SHTN1: variants seen among roughly 807,000 people sequenced by gnomAD.
SHTN1 encodes shootin-1.
A neutral mutation model predicts 83.1 loss-of-function variants in SHTN1; 42 were observed. The observed-to-expected ratio is 0.51, with a 90% CI of 0.39 to 0.65. The LOEUF (loss-of-function observed/expected upper bound fraction) is 0.65, where lower values mean the gene tolerates loss of function less well. SHTN1 is among the 30% of genes least tolerant of loss of function. SHTN1 has a pLI of 0.00. For missense variants in SHTN1, 622 were observed against 737.8 expected, an observed-to-expected ratio of 0.84 and a Z score of 1.82; for synonymous variants, 224 against 247.7, an observed-to-expected ratio of 0.90 and a Z score of 0.90.
chr10:116,913,646 G>A (rs1848284493), intron 13 of SHTN1, among the ~76,000 whole-genome samples: 1 of 152,144 alleles, frequency 6.6e-6, no homozygotes, highest in African/African-American at 2.4e-5. Context: ...TCTAGTAATA[G>A]TTTGGTTTTG....
At chr10:116,917,589 C>T (rs1021680341) in intron 12 of SHTN1, among the ~76,000 whole-genome samples, 9 of 152,116 alleles carry the variant, frequency 5.9e-5, no homozygotes, top group East Asian at 3.9e-4. Flanking sequence ...ATAGGAACAC[C>T]GCCTACAAAC....
chr10:116,970,885 G>A (rs1019541038), intron 2 of SHTN1, among the ~76,000 whole-genome samples: 3 of 151,922 alleles, frequency 2.0e-5, no homozygotes, highest in African/African-American at 7.3e-5. Flanking sequence ...TATAACAGTA[G>A]TTGTCTCTTA....
At chr10:117,020,919 TC>T (rs1261854427) in intron 2 of SHTN1, among the ~76,000 whole-genome samples, 2 of 151,748 alleles carry the variant, frequency 1.3e-5, no homozygotes, top group Non-Finnish European at 2.9e-5. Flanking sequence ...ACAACCAGTA[TC>T]TAGGACATAT....
intron 2 of SHTN1, among the ~76,000 whole-genome samples, chr10:117,044,086 C>T (rs567753768): frequency 7.8e-4 from 118 of 152,078 alleles, no homozygotes; most frequent in South Asian, 2.5e-3. Flanking sequence ...TTTTAAGTTA[C>T]GAAACTAATA....
At chr10:117,086,304 C>T (rs1853351969) in intron 1 of SHTN1, among the ~76,000 whole-genome samples, 1 of 152,224 alleles carries the variant, frequency 6.6e-6, no homozygotes, top group Non-Finnish European at 1.5e-5. Flanking sequence ...CTTTCTCCAT[C>T]ACTTTACTTT....
At chr10:117,035,958 A>AAG (rs1554932592) in intron 2 of SHTN1, among the ~76,000 whole-genome samples, 5 of 150,926 alleles carry the variant, frequency 3.3e-5, no homozygotes, top group Admixed American at 2.0e-4. Flanking sequence ...AAAAAAAAAA[A>AAG]AAAAAAAAAG....
intron 2 of SHTN1, among the ~76,000 whole-genome samples, chr10:117,019,817 C>G (rs1003624351): frequency 6.9e-6 from 1 of 145,978 alleles, no homozygotes; most frequent in Non-Finnish European, 1.5e-5. Flanking sequence ...ACAGAGTGAG[C>G]CCTTGTCTCA....
chr10:116,991,994 T>C (rs941554066), intron 1 of SHTN1, among the ~76,000 whole-genome samples: 6 of 152,030 alleles, frequency 3.9e-5, no homozygotes, highest in Non-Finnish European at 5.9e-5. Context: ...ATACCCATAC[T>C]AGCCAGGCGT....
chr10:117,049,623 T>C (rs1191817259), intron 1 of SHTN1, among the ~76,000 whole-genome samples: 1 of 152,162 alleles, frequency 6.6e-6, no homozygotes, highest in African/African-American at 2.4e-5. Context: ...GGTAAATGAA[T>C]GAACAAACAA....
intron 12 of SHTN1, among the ~76,000 whole-genome samples, chr10:116,920,748 A>T (rs931395177): frequency 6.6e-6 from 1 of 152,038 alleles, no homozygotes; most frequent in Non-Finnish European, 1.5e-5. Context: ...CTTGGACACC[A>T]TGTTCCAGCC....
intron 2 of SHTN1, among the ~76,000 whole-genome samples, chr10:117,037,968 G>A (rs1182688494): frequency 8.2e-6 from 1 of 121,622 alleles, no homozygotes; most frequent in Non-Finnish European, 1.6e-5. Context: ...TCATGCCACT[G>A]CACTCCAGCC....
At chr10:116,967,275 C>G (rs541906452) in intron 3 of SHTN1, among the ~76,000 whole-genome samples, 2 of 152,196 alleles carry the variant, frequency 1.3e-5, no homozygotes, top group East Asian at 3.9e-4. Context: ...GGATAAATAA[C>G]AGATTTACAT....
chr10:116,964,547 A>G (rs1270863833), intron 3 of SHTN1, among the ~76,000 whole-genome samples: 2 of 152,254 alleles, frequency 1.3e-5, no homozygotes, highest in Non-Finnish European at 1.5e-5. Flanking sequence ...TATGTGGTGA[A>G]CATATCACAA....
chr10:117,120,636 A>G (rs1455043627), intron 1 of SHTN1, among the ~76,000 whole-genome samples: 1 of 152,218 alleles, frequency 6.6e-6, no homozygotes, highest in African/African-American at 2.4e-5. Context: ...ACCCACAAAA[A>G]TTAAAAATAA....
intron 9 of SHTN1, among the ~76,000 whole-genome samples, chr10:116,938,739 G>A (rs143513849): frequency 0.012 from 1,819 of 152,314 alleles, 26 homozygotes; most frequent in African/African-American, 0.041. Context: ...AGGCAGGAAC[G>A]TTTAAGCCGC....
At chr10:117,052,584 G>A (rs1429403489) in intron 1 of SHTN1, among the ~76,000 whole-genome samples, 2 of 152,116 alleles carry the variant, frequency 1.3e-5, no homozygotes, top group Non-Finnish European at 2.9e-5. Context: ...TGGATATATA[G>A]ATCGATGGAA....
chr10:116,908,671 CTT>C (rs993019205), intron 14 of SHTN1, among the ~76,000 whole-genome samples: 1 of 152,138 alleles, frequency 6.6e-6, no homozygotes, highest in Admixed American at 6.5e-5. Flanking sequence ...TCAAGGAAAA[CTT>C]ATGTGTGTGT....
chr10:116,940,640 A>C lies in SHTN1; in HGVS notation c.712-28T>G, dbSNP rs757093174. 1.9e-6 allele frequency: 3 copies of C among 1,552,718 alleles called. No homozygotes were observed. The South Asian group carries it at 3.6e-5, about 19-fold the overall frequency. On this transcript the variant is annotated intron_variant, in intron 8 of 16. Transcript: ENST00000355371. ...GCAAAAGTTTGTTACAAGAATGTAT[A>C]TATCAATCAATCTCACATACCTCCT... is the stretch of plus-strand genomic sequence containing the variant.
At chr10:117,039,898 G>A (rs924430570) in intron 2 of SHTN1, among the ~76,000 whole-genome samples, 2 of 151,318 alleles carry the variant, frequency 1.3e-5, no homozygotes, top group African/African-American at 4.9e-5. Flanking sequence ...CTCTCCATGT[G>A]TGAGAGCAGA....
Sources: gnomAD v4.1 joint callset for allele counts (sites outside exome capture counted in the v4.1 genomes callset) on GRCh38, gnomAD v4.1.1 for gene constraint, MANE v1.5 for transcripts, NCBI Gene and HGNC (gene_info 2026-07-23, HGNC 2026-07-21) for gene names.